Variants in AKT3 observed in about 807,000 individuals in gnomAD.
AKT3 encodes AKT serine/threonine kinase 3.
AKT3 carries 15 observed loss-of-function variants against 65.3 expected under a neutral mutation model. That is an observed-to-expected ratio of 0.23 (90% CI 0.15 to 0.35). The LOEUF is 0.35. AKT3 is among the 10% of genes least tolerant of loss of function. The pLI is 1.00. For synonymous variants in AKT3, 206 were observed against 183.8 expected (o/e 1.12, Z -0.98); for missense variants, 243 against 576.5 (o/e 0.42, Z 5.92).
chr1:243,809,702 C>T (rs1693000222), intron 2 of AKT3, among the ~76,000 whole-genome samples: 2 of 152,194 alleles, frequency 1.3e-5, no homozygotes, highest in Admixed American at 1.3e-4. Context: ...ATCTAGAGAA[C>T]TCTCCACCCC....
chr1:243,621,659 T>C (rs1265909127), intron 6 of AKT3, among the ~76,000 whole-genome samples: 2 of 152,188 alleles, frequency 1.3e-5, no homozygotes, highest in East Asian at 1.9e-4. Flanking sequence ...AACTGGAGTA[T>C]CTAACAAAAA....
intron 4 of AKT3, 35 bp from the exon 5 acceptor site, chr1:243,646,072 G>C (rs200380256): frequency 7.3e-6 from 11 of 1,515,668 alleles, no homozygotes; most frequent in Middle Eastern, 1.8e-4. Context: ...ATTAATAGAA[G>C]ATGGTAAATG....
At chr1:243,774,626 T>C (rs1690430223) in intron 2 of AKT3, among the ~76,000 whole-genome samples, 1 of 152,188 alleles carries the variant, frequency 6.6e-6, no homozygotes, top group African/African-American at 2.4e-5. Context: ...AATTTAAGGA[T>C]ATCTTTTTAA....
intron 2 of AKT3, among the ~76,000 whole-genome samples, chr1:243,756,774 A>T (rs1689166304): frequency 6.6e-6 from 1 of 152,234 alleles, no homozygotes; most frequent in Non-Finnish European, 1.5e-5. Flanking sequence ...CTCCTTAGAA[A>T]ATAATAACAA....
intron 2 of AKT3, among the ~76,000 whole-genome samples, chr1:243,770,026 T>C (rs1690077264): frequency 3.3e-5 from 5 of 152,210 alleles, no homozygotes. Context: ...CTTTTATATG[T>C]GGAAATCGGG....
intron 7 of AKT3, among the ~76,000 whole-genome samples, chr1:243,614,747 T>A (rs554623582): frequency 6.6e-6 from 1 of 152,262 alleles, no homozygotes; most frequent in East Asian, 1.9e-4. Flanking sequence ...ACATAAAATC[T>A]TTACATTTAA....
intron 12 of AKT3, among the ~76,000 whole-genome samples, chr1:243,542,904 C>T (rs927382110): frequency 2.6e-5 from 4 of 152,104 alleles, no homozygotes; most frequent in East Asian, 1.9e-4. Context: ...CAGAGCCTCG[C>T]GGGTCACACA....
intron 9 of AKT3, among the ~76,000 whole-genome samples, chr1:243,565,131 T>C (rs934060810): frequency 2.6e-5 from 4 of 152,244 alleles, no homozygotes; most frequent in African/African-American, 9.6e-5. Context: ...AAATGCTTGA[T>C]ATACATTTCA....
At chr1:243,702,228 A>C (rs1260152280) in intron 2 of AKT3, among the ~76,000 whole-genome samples, 1 of 152,198 alleles carries the variant, frequency 6.6e-6, no homozygotes, top group Admixed American at 6.5e-5. Context: ...AAGGTACAAC[A>C]AATTGTTGTG....
intron 3 of AKT3, among the ~76,000 whole-genome samples, chr1:243,665,404 A>G (rs898828596): frequency 6.6e-6 from 1 of 152,186 alleles, no homozygotes; most frequent in African/African-American, 2.4e-5. Flanking sequence ...AAAATGACAA[A>G]TATCACTTAT....
At chr1:243,759,463 G>C (rs1323994616) in intron 2 of AKT3, among the ~76,000 whole-genome samples, 2 of 151,542 alleles carry the variant, frequency 1.3e-5, no homozygotes, top group Non-Finnish European at 2.9e-5. Flanking sequence ...TAAAAACTTA[G>C]GTGAAAGCTA....
intron 13 of AKT3, among the ~76,000 whole-genome samples, chr1:243,507,192 C>A (rs138168823): frequency 6.6e-6 from 1 of 152,196 alleles, no homozygotes; most frequent in African/African-American, 2.4e-5. Flanking sequence ...GGGGCCATGG[C>A]CAGGACTCAT....
chr1:243,563,745 C>T lies in AKT3; in HGVS notation c.923G>A (p.Gly308Asp), dbSNP rs1303187078. 1 of 1,611,014 alleles carries T rather than the reference C, an allele frequency of 6.2e-7. No individual in the cohort carries two copies. The highest frequency in any genetic ancestry group is 8.5e-7 in the Non-Finnish European group (1 of 1,179,008). Reference protein sequence around the residue: ...TDAATMKTFCGTPEYLAPEVL... With the variant: ...TDAATMKTFCDTPEYLAPEVL... ...CTCTGGTGCCAGATATTCTGGAGTGCCACAGAATGTCTTCATGGTGGCTGC... is the reference window on the plus strand; with the variant it reads ...CTCTGGTGCCAGATATTCTGGAGTGTCACAGAATGTCTTCATGGTGGCTGC... Residue 308 changes from glycine (G) to aspartate (D), a missense_variant, in exon 10 of 14, where the codon GGC becomes GAC. Around this residue, in one of 6 missense-constraint regions of AKT3, gnomAD observed 4 missense variants for 59.9 expected, o/e 0.07. Transcript: ENST00000673466.
At chr1:243,742,059 T>TAAAAAAAAAAAAAAAAAAAATAA (rs36056068) in intron 2 of AKT3, among the ~76,000 whole-genome samples, 1 of 125,582 alleles carries the variant, frequency 8.0e-6, no homozygotes, top group Non-Finnish European at 1.6e-5. Context: ...GATAGAAAAT[T>TAAAAAAAAAAAAAAAAAAAATAA]AAAAAAAAAA....
intron 5 of AKT3, among the ~76,000 whole-genome samples, chr1:243,638,443 TC>T: frequency 6.6e-6 from 1 of 152,238 alleles, no homozygotes; most frequent in African/African-American, 2.4e-5. Flanking sequence ...TTCTCTACAG[TC>T]CCCTCTATGT....
chr1:243,508,509 G>C (rs1669810296), intron 13 of AKT3, among the ~76,000 whole-genome samples: 1 of 152,124 alleles, frequency 6.6e-6, no homozygotes, highest in Non-Finnish European at 1.5e-5. Flanking sequence ...GAAAAACACA[G>C]CAAGTCCATA....
intron 2 of AKT3, among the ~76,000 whole-genome samples, chr1:243,701,953 TCA>T (rs1468229556): frequency 6.6e-6 from 1 of 152,072 alleles, no homozygotes; most frequent in African/African-American, 2.4e-5. Context: ...ACAAGCAAAG[TCA>T]CAAAGTTTTT....
At chr1:243,672,986 A>G (rs775860139) in intron 3 of AKT3, among the ~76,000 whole-genome samples, 4 of 152,246 alleles carry the variant, frequency 2.6e-5, no homozygotes, top group Non-Finnish European at 5.9e-5. Flanking sequence ...GCATTTACTA[A>G]AAGAATTATA....
At chr1:243,687,584 A>G (rs891546425) in intron 3 of AKT3, 6 of 151,814 alleles carry the variant, frequency 4.0e-5, no homozygotes, top group African/African-American at 1.5e-4. Context: ...TGCCGCAGTC[A>G]TTTTCATTAA....
Sources: allele counts gnomAD v4.1 joint callset (sites outside exome capture counted in the v4.1 genomes callset), GRCh38; gene constraint gnomAD v4.1.1; regional missense constraint gnomAD v4.1.1; transcripts MANE v1.5; gene names NCBI Gene and HGNC (gene_info 2026-07-23, HGNC 2026-07-21).